MAJIN: variants seen among roughly 807,000 people sequenced by gnomAD.
MAJIN encodes the protein membrane-anchored junction protein.
A neutral mutation model predicts 30.2 loss-of-function variants in MAJIN; 27 were observed. That is an observed-to-expected ratio of 0.89 (90% CI 0.66 to 1.23). MAJIN has a LOEUF of 1.23. MAJIN is among the 50% of genes most tolerant of loss of function. The pLI is 0.00. For missense variants in MAJIN, 253 were observed against 260.3 expected, an observed-to-expected ratio of 0.97 and a Z score of 0.19; for synonymous variants, 78 against 91.6, an observed-to-expected ratio of 0.85 and a Z score of 0.85.
intron 1 of MAJIN, among the ~76,000 whole-genome samples, chr11:64,969,467 AC>A (rs1479326404): frequency 3.3e-5 from 5 of 151,468 alleles, no homozygotes; most frequent in East Asian, 2.0e-4. Flanking sequence ...AAAAAAAAAA[AC>A]GACATGACCA....
Position 64,950,338 on chromosome 11 carries a change from A to AG in MAJIN, c.223+16_223+17insC, listed in dbSNP as rs1206501457. On this transcript the variant is annotated intron_variant, in intron 5 of 10. Coordinates refer to ENST00000301896, the MANE Select transcript of MAJIN (RefSeq NM_001037225.3). ...GAGCAAGACTCCATCTCAAAAAAAAAAAAAAAAAAAGGATACAGGGAAATA... is the reference window on the plus strand; with the variant it reads ...GAGCAAGACTCCATCTCAAAAAAAAAGAAAAAAAAAAGGATACAGGGAAATA... 1 of 1,542,010 alleles carries AG rather than the reference A, an allele frequency of 6.5e-7. No individual in the cohort carries two copies. Among genetic ancestry groups the AG allele is most frequent in the East Asian group, 2.4e-5 (1 of 42,236 alleles).
chr11:64,970,841 G>A (rs1336503746), intron 1 of MAJIN, among the ~76,000 whole-genome samples: 1 of 152,062 alleles, frequency 6.6e-6, no homozygotes, highest in East Asian at 1.9e-4. Flanking sequence ...AGGTGCAATC[G>A]GGCATTTGAA....
intron 3 of MAJIN, among the ~76,000 whole-genome samples, chr11:64,956,449 A>G (rs1945633763): frequency 6.6e-6 from 1 of 152,138 alleles, no homozygotes; most frequent in Non-Finnish European, 1.5e-5. Context: ...AGATCGCACC[A>G]TTGCACTCCA....
chr11:64,958,622 GA>G (rs1399151008), intron 3 of MAJIN, among the ~76,000 whole-genome samples: 9 of 139,682 alleles, frequency 6.4e-5, no homozygotes, highest in Non-Finnish European at 1.3e-4. Context: ...AAAAAAGAAA[GA>G]AAAATTGCAA....
At chr11:64,970,172 T>C (rs1205329008) in intron 1 of MAJIN, among the ~76,000 whole-genome samples, 4 of 149,976 alleles carry the variant, frequency 2.7e-5, no homozygotes, top group Non-Finnish European at 5.9e-5. Context: ...GAGACCAGCT[T>C]GGCCAACATG....
intron 8 of MAJIN, among the ~76,000 whole-genome samples, chr11:64,944,578 G>C (rs752146879): frequency 1.3e-5 from 2 of 152,224 alleles, no homozygotes; most frequent in Non-Finnish European, 2.9e-5. Flanking sequence ...AGGATCACTT[G>C]AGCTTGAGAG....
intron 1 of MAJIN, among the ~76,000 whole-genome samples, chr11:64,964,439 T>C (rs1166379809): frequency 6.6e-6 from 1 of 152,148 alleles, no homozygotes; most frequent in Non-Finnish European, 1.5e-5. Flanking sequence ...AATCCAAGAT[T>C]AGCCCCTCAA....
chr11:64,964,861 C>A (rs1225130500), intron 1 of MAJIN, among the ~76,000 whole-genome samples: 2 of 152,192 alleles, frequency 1.3e-5, no homozygotes, highest in Non-Finnish European at 2.9e-5. Context: ...GCTGGCATTA[C>A]AGGTGTGAGC....
At chr11:64,955,838 C>T (rs1439129903) in intron 3 of MAJIN, among the ~76,000 whole-genome samples, 3 of 152,120 alleles carry the variant, frequency 2.0e-5, no homozygotes, top group Admixed American at 1.3e-4. Context: ...CAAAATATTC[C>T]AAATGACCAG....
rs1467285586 is a variant in MAJIN at position 64,948,637 on chromosome 11, ATATTTT to A, written c.350-824_350-819del. ...TATATATATATATATATATATATAT[ATATTTT>A]TTTTTTTTTTTTTTTTTTTTTTTTT... On this transcript the variant is annotated intron_variant, in intron 6 of 10. Coordinates refer to ENST00000301896, the MANE Select transcript of MAJIN (RefSeq NM_001037225.3). Among the ~76,000 whole-genome samples, 109 of 33,640 alleles carry A rather than the reference ATATTTT, an allele frequency of 3.2e-3. 2 individuals carry two copies. The highest frequency in any genetic ancestry group is 0.021 in the African/African-American group (95 of 4,550). 22.1% of individuals were successfully genotyped at this position (33,640 alleles called of 152,430 possible).
intron 3 of MAJIN, among the ~76,000 whole-genome samples, chr11:64,958,343 T>A (rs910424847): frequency 5.3e-5 from 8 of 152,096 alleles, no homozygotes; most frequent in Admixed American, 2.6e-4. Context: ...AGGTGGGTGC[T>A]GGTGGCTCAT....
intron 8 of MAJIN, among the ~76,000 whole-genome samples, chr11:64,947,167 C>T (rs896188537): frequency 3.3e-5 from 5 of 152,120 alleles, no homozygotes; most frequent in Admixed American, 2.0e-4. Context: ...AAAGAAAAAT[C>T]GTACTTTGCT....
chr11:64,949,136 AAT>A (rs1414708522), intron 6 of MAJIN, among the ~76,000 whole-genome samples: 3 of 148,694 alleles, frequency 2.0e-5, no homozygotes, highest in African/African-American at 7.4e-5. Context: ...CCAACGGTGC[AAT>A]ATAGTCAGAC....
Position 64,949,745 on chromosome 11 carries a change from G to A in MAJIN, c.347C>T (p.Pro116Leu), listed in dbSNP as rs775199136. 1.2e-6 allele frequency: 2 copies of A among 1,612,734 alleles called. No homozygotes were observed. Among genetic ancestry groups the A allele is most frequent in the Non-Finnish European group, 8.5e-7 (1 of 1,179,956 alleles). Residue 116 changes from proline to leucine, a missense_variant and splice_region_variant, in exon 6 of 11, where the codon CCT becomes CTT. Transcript: ENST00000301896. ...EMKWFHENLS[P>L]GKPISDSPLG... ...CACATTCACATCATTCCACTTACCA[G>A]GTGACAGGTTTTCATGGAACCATTT...
At chr11:64,946,006 G>A (rs893215612) in intron 8 of MAJIN, 34 of 1,323,864 alleles carry the variant, frequency 2.6e-5, no homozygotes, top group African/African-American at 3.0e-5. Context: ...GCTGGTAACC[G>A]GAATCCTGAC....
chr11:64,939,056 A>G (rs1420442234), intron 10 of MAJIN, among the ~76,000 whole-genome samples: 1 of 152,028 alleles, frequency 6.6e-6, no homozygotes, highest in East Asian at 1.9e-4. Context: ...CAGCACCCCC[A>G]GTAGCTGGGA....
At position 64,959,386 on chromosome 11, in the gene MAJIN, G is replaced by A; in HGVS notation, c.20C>T (p.Thr7Ile). ...AAACCTCGTCTCTGGAAACGGGTAG[G>A]TAAAGGGTTTTAAACTCATTGCTCC... MSLKPF[T>I]YPFPETRFLH... Residue 7 changes from threonine (T) to isoleucine (I), a missense_variant, in exon 3 of 11, where the codon ACC becomes ATC. Physicochemically the swap from Thr to Ile is moderately conservative, Grantham distance 89. Coordinates refer to ENST00000301896, the MANE Select transcript of MAJIN (RefSeq NM_001037225.3). 6.2e-7 allele frequency: 1 copy of A among 1,613,906 alleles called. No individual in the cohort carries two copies. The highest frequency in any genetic ancestry group is 2.2e-5 in the East Asian group (1 of 44,878).
intron 3 of MAJIN, among the ~76,000 whole-genome samples, chr11:64,958,850 C>T (rs908582437): frequency 6.6e-6 from 1 of 151,940 alleles, no homozygotes; most frequent in Non-Finnish European, 1.5e-5. Flanking sequence ...GTCTTGAACT[C>T]CTGACCTCAA....
At chr11:64,959,449 A>C in intron 2 of MAJIN, 27 bp from the exon 3 acceptor site, 2 of 1,556,282 alleles carry the variant, frequency 1.3e-6, no homozygotes, top group Non-Finnish European at 1.8e-6. Flanking sequence ...GAGAATTACT[A>C]AAAAGCTAAC....
Sources: allele counts gnomAD v4.1 joint callset (sites outside exome capture counted in the v4.1 genomes callset), GRCh38; gene constraint gnomAD v4.1.1; transcripts MANE v1.5; gene names NCBI Gene and HGNC (gene_info 2026-07-23, HGNC 2026-07-21).